CSMD1: variants seen among roughly 807,000 people sequenced by gnomAD.
CSMD1 encodes CUB and sushi domain-containing protein 1.
CSMD1 carries 213 observed loss-of-function variants against 417.5 expected under a neutral mutation model. The ratio of observed to expected loss-of-function variants is 0.51; its 90% CI spans 0.46 to 0.57. The LOEUF is 0.57. Ranked by LOEUF, CSMD1 falls within the 20% of genes least tolerant of loss-of-function variation. The pLI, the probability that CSMD1 is intolerant of heterozygous loss-of-function variation, is 0.00. For missense variants in CSMD1, 6,923 were observed against 4,529.7 expected (o/e 1.53, Z -15.17); for synonymous variants, 2,862 against 1,736.8 (o/e 1.65, Z -16.11).
intron 1 of CSMD1, among the ~76,000 whole-genome samples, chr8:4,831,767 T>G (rs954337388): frequency 6.6e-6 from 1 of 152,172 alleles, no homozygotes; most frequent in Non-Finnish European, 1.5e-5. Context: ...CCTACAACTT[T>G]AGGGAGATGA....
chr8:3,407,387 C>T (rs184304019), intron 14 of CSMD1, among the ~76,000 whole-genome samples: 142 of 139,008 alleles, frequency 1.0e-3, no homozygotes, highest in East Asian at 1.8e-3. Flanking sequence ...ATTGATGGAA[C>T]GATGGATGGA....
At chr8:4,478,601 G>C (rs548982565) in intron 2 of CSMD1, among the ~76,000 whole-genome samples, 1 of 152,228 alleles carries the variant, frequency 6.6e-6, no homozygotes, top group South Asian at 2.1e-4. Flanking sequence ...GCAAAAGAAA[G>C]TATTATTGGC....
At chr8:4,789,579 T>C (rs747884232) in intron 1 of CSMD1, among the ~76,000 whole-genome samples, 66 of 152,176 alleles carry the variant, frequency 4.3e-4, no homozygotes, top group Admixed American at 3.8e-3. Flanking sequence ...TCTGGCACCC[T>C]AGGTTTGGGA....
chr8:4,188,061 AT>A (rs1356025282), intron 3 of CSMD1, among the ~76,000 whole-genome samples: 4 of 152,108 alleles, frequency 2.6e-5, no homozygotes, highest in African/African-American at 9.7e-5. Flanking sequence ...GTCATAGGTG[AT>A]TTAAAACAAA....
intron 3 of CSMD1, among the ~76,000 whole-genome samples, chr8:4,168,468 G>C (rs76419040): frequency 1.3e-5 from 2 of 151,766 alleles, no homozygotes; most frequent in South Asian, 2.1e-4. Context: ...TTTTAGAAAA[G>C]GGATGTGGTA....
intron 3 of CSMD1, among the ~76,000 whole-genome samples, chr8:4,208,065 A>C (rs1391605127): frequency 6.6e-6 from 1 of 152,174 alleles, no homozygotes; most frequent in Non-Finnish European, 1.5e-5. Flanking sequence ...ACTTTTGTTC[A>C]GATATGTGTT....
At chr8:3,354,880 T>C (rs1808655588) in intron 21 of CSMD1, among the ~76,000 whole-genome samples, 1 of 150,022 alleles carries the variant, frequency 6.7e-6, no homozygotes, top group Admixed American at 6.7e-5. Context: ...TACATATATC[T>C]ATAGATATGT....
At chr8:3,892,129 T>C (rs1216114885) in intron 5 of CSMD1, among the ~76,000 whole-genome samples, 1 of 97,276 alleles carries the variant, frequency 1.0e-5, no homozygotes, top group Non-Finnish European at 2.7e-5. Context: ...AGCTCTAAGA[T>C]AATATCAGTA....
chr8:4,823,101 C>A (rs1799612088), intron 1 of CSMD1, among the ~76,000 whole-genome samples: 1 of 152,064 alleles, frequency 6.6e-6, no homozygotes, highest in African/African-American at 2.4e-5. Context: ...CTTGATACAG[C>A]ATGAATATAC....
intron 10 of CSMD1, among the ~76,000 whole-genome samples, chr8:3,567,395 A>G (rs1363437434): frequency 6.6e-6 from 1 of 151,954 alleles, no homozygotes; most frequent in African/African-American, 2.4e-5. Flanking sequence ...ACAAACCTGC[A>G]TGTGTATCCC....
At chr8:3,086,796 A>G (rs1434940090) in intron 49 of CSMD1, among the ~76,000 whole-genome samples, 1 of 152,238 alleles carries the variant, frequency 6.6e-6, no homozygotes, top group Non-Finnish European at 1.5e-5. Flanking sequence ...ATGGTAAAGA[A>G]AAATTATTTT....
chr8:3,732,829 C>T (rs537365573), intron 6 of CSMD1, among the ~76,000 whole-genome samples: 3 of 152,250 alleles, frequency 2.0e-5, no homozygotes, highest in East Asian at 1.9e-4. Context: ...AGGTATTTAT[C>T]GAGTGATTCA....
intron 3 of CSMD1, among the ~76,000 whole-genome samples, chr8:4,396,053 T>G (rs1365792532): frequency 6.6e-6 from 1 of 152,216 alleles, no homozygotes; most frequent in Non-Finnish European, 1.5e-5. Context: ...AGCTATAATG[T>G]TGGCATGCAT....
chr8:3,476,196 A>T (rs1196351558), intron 11 of CSMD1, among the ~76,000 whole-genome samples: 1 of 152,196 alleles, frequency 6.6e-6, no homozygotes, highest in African/African-American at 2.4e-5. Flanking sequence ...ACAAATGCAA[A>T]AACAAAACAA....
At chr8:4,863,738 A>G (rs1021942842) in intron 1 of CSMD1, among the ~76,000 whole-genome samples, 3 of 152,014 alleles carry the variant, frequency 2.0e-5, no homozygotes, top group South Asian at 2.1e-4. Context: ...AATGTATACA[A>G]TGTAACTTGT....
chr8:3,533,057 A>G (rs145881748), intron 10 of CSMD1, among the ~76,000 whole-genome samples: 5 of 152,310 alleles, frequency 3.3e-5, no homozygotes, highest in African/African-American at 4.8e-5. Flanking sequence ...ATACTTTGAG[A>G]TAAACAGCTC....
At chr8:4,744,039 AG>A in intron 1 of CSMD1, among the ~76,000 whole-genome samples, 1 of 152,218 alleles carries the variant, frequency 6.6e-6, no homozygotes, top group Non-Finnish European at 1.5e-5. Flanking sequence ...TGGCACACGC[AG>A]CCCCGTTTTT....
At chr8:3,395,810 G>T (rs1811655912) in intron 17 of CSMD1, among the ~76,000 whole-genome samples, 1 of 152,012 alleles carries the variant, frequency 6.6e-6, no homozygotes, top group Non-Finnish European at 1.5e-5. Flanking sequence ...TTTCTAGCAA[G>T]GATCCTTTTC....
At chr8:3,653,256 G>T (rs180824735) in intron 7 of CSMD1, among the ~76,000 whole-genome samples, 2 of 151,954 alleles carry the variant, frequency 1.3e-5, no homozygotes, top group Non-Finnish European at 2.9e-5. Context: ...ATATCAAATA[G>T]ATAAGTTAGG....
Sources: gnomAD v4.1 joint callset for allele counts (sites outside exome capture counted in the v4.1 genomes callset) on GRCh38, gnomAD v4.1.1 for gene constraint, MANE v1.5 for transcripts, NCBI Gene and HGNC (gene_info 2026-07-23, HGNC 2026-07-21) for gene names.